CNTNAP3: variants seen among roughly 807,000 people sequenced by gnomAD.
The protein encoded by CNTNAP3 is contactin associated protein family member 3.
A neutral mutation model predicts 92.1 loss-of-function variants in CNTNAP3; 36 were observed. That is an observed-to-expected ratio of 0.39 (90% CI 0.30 to 0.52). The LOEUF is 0.52. Ranked by LOEUF, CNTNAP3 falls within the 20% of genes least tolerant of loss-of-function variation. The pLI is 0.76. For synonymous variants in CNTNAP3, 232 were observed against 422.3 expected, an observed-to-expected ratio of 0.55 and a Z score of 5.53; for missense variants, 534 against 1,069.6, an observed-to-expected ratio of 0.50 and a Z score of 6.98.
chr9:39,087,476 C>T (rs1387372049), intron 19 of CNTNAP3, among the ~76,000 whole-genome samples: 4 of 144,140 alleles, frequency 2.8e-5, no homozygotes, highest in Admixed American at 1.4e-4. Flanking sequence ...TCCTGTTAAT[C>T]GGAGATTTTT....
rs1041880914 is a variant in CNTNAP3 at position 39,066,394 on chromosome 9, G to A, written c.*7496C>T. Among the ~76,000 whole-genome samples, 68 of 152,058 alleles carry A rather than the reference G, an allele frequency of 4.5e-4. No individual in the cohort carries two copies. Among genetic ancestry groups the A allele is most frequent in the African/African-American group, 1.6e-3 (66 of 41,380 alleles). ...TTTAAAAGATATTTAAGTAATAAGG[G>A]CAGGTATTGTATATTTACTTATGGT... is the stretch of plus-strand genomic sequence containing the variant. On this transcript the variant is annotated 3_prime_UTR_variant, in exon 24 of 24. Coordinates refer to ENST00000297668, the MANE Select transcript of CNTNAP3 (RefSeq NM_033655.5).
intron 13 of CNTNAP3, 22 bp from the exon 14 acceptor site, chr9:39,118,281 C>T (rs10974153): frequency 6.8e-6 from 11 of 1,606,668 alleles, no homozygotes; most frequent in Non-Finnish European, 9.4e-6. Context: ...GTATAAGAAA[C>T]ATGACATCTA....
chr9:39,144,468 C>G, intron 10 of CNTNAP3, 122 bp from the exon 11 acceptor site: 2 of 1,420,156 alleles, frequency 1.4e-6, no homozygotes, highest in Non-Finnish European at 1.9e-6. Context: ...CAAGATAACC[C>G]CACATGACGT....
chr9:39,150,193 A>T (rs1381986464), intron 9 of CNTNAP3, among the ~76,000 whole-genome samples: 1 of 152,014 alleles, frequency 6.6e-6, no homozygotes, highest in African/African-American at 2.4e-5. Flanking sequence ...ATGGGGGAAA[A>T]TTCAGATCTA....
chr9:39,132,356 T>A (rs981538958), intron 13 of CNTNAP3, among the ~76,000 whole-genome samples: 1 of 152,090 alleles, frequency 6.6e-6, no homozygotes, highest in Non-Finnish European at 1.5e-5. Context: ...AAAACATTAC[T>A]TCCATATATG....
rs567819977 is a variant in CNTNAP3, at chr9:39,101,378, T to C, written c.2755+1119A>G. Reference sequence around the variant, plus strand: ...CAGTTTTAATTAGATTGCATCCTTATTCACTTTAAAACACTTAAGAAATGA... The same window carrying C: ...CAGTTTTAATTAGATTGCATCCTTACTCACTTTAAAACACTTAAGAAATGA... On this transcript the variant is annotated intron_variant, in intron 17 of 23. Transcript: ENST00000297668. Among the ~76,000 whole-genome samples, 9 of 152,140 alleles carry C rather than the reference T, an allele frequency of 5.9e-5. No individual in the cohort carries two copies. The South Asian group carries it at 1.9e-3, about 32-fold the overall frequency.
At chr9:39,110,276 G>C (rs1311101272) in intron 14 of CNTNAP3, among the ~76,000 whole-genome samples, 1 of 152,086 alleles carries the variant, frequency 6.6e-6, no homozygotes, top group Non-Finnish European at 1.5e-5. Context: ...CACACCTGTA[G>C]TCCCAGCTAC....
intron 14 of CNTNAP3, among the ~76,000 whole-genome samples, chr9:39,116,809 C>T (rs1445038379): frequency 6.6e-6 from 1 of 152,004 alleles, no homozygotes; most frequent in East Asian, 1.9e-4. Context: ...GTTTTCCCAA[C>T]TTCACAATAT....
At chr9:39,083,620 C>T (rs1221807234) in intron 21 of CNTNAP3, among the ~76,000 whole-genome samples, 17 of 152,154 alleles carry the variant, frequency 1.1e-4, no homozygotes, top group African/African-American at 3.6e-4. Flanking sequence ...GATTGCGCCA[C>T]TGCACTCCAG....
intron 12 of CNTNAP3, 32 bp downstream of exon 12, chr9:39,140,487 C>G: frequency 6.2e-7 from 1 of 1,611,030 alleles, no homozygotes; most frequent in African/African-American, 1.3e-5. Flanking sequence ...TTGGTCTATT[C>G]TGATATATGC....
chr9:39,085,890 G>A lies in CNTNAP3; in HGVS notation c.3355-67C>T, dbSNP rs535709976. On this transcript the variant is annotated intron_variant, in intron 20 of 23. Transcript: ENST00000297668. Reference sequence around the variant, plus strand: ...CAATTTTAATGATAAGGAAGCAAAGGAAGATGAGGAAAGGAAAGATGAAAA... The same window carrying A: ...CAATTTTAATGATAAGGAAGCAAAGAAAGATGAGGAAAGGAAAGATGAAAA... 5.7e-4 allele frequency: 771 copies of A among 1,344,048 alleles called. 6 individuals carry two copies. In the African/African-American group the frequency reaches 0.01, roughly 18 times the overall value. 83.3% of individuals were successfully genotyped at this position (1,344,048 alleles called of 1,614,324 possible). A position where few individuals can be genotyped will look rare whatever the true frequency, so the allele number is the denominator to read the frequency against.
chr9:39,108,279 C>A (rs184506771), intron 15 of CNTNAP3, among the ~76,000 whole-genome samples: 9 of 152,100 alleles, frequency 5.9e-5, no homozygotes, highest in Admixed American at 2.0e-4. Context: ...CGGTCCCCCC[C>A]CTCTCTGGGG....
intron 18 of CNTNAP3, among the ~76,000 whole-genome samples, chr9:39,090,378 T>C (rs1826165190): frequency 6.6e-6 from 1 of 152,222 alleles, no homozygotes; most frequent in African/African-American, 2.4e-5. Flanking sequence ...TAGTTTTAGT[T>C]CTTACATCGA....
At chr9:39,112,948 A>C (rs946873450) in intron 14 of CNTNAP3, among the ~76,000 whole-genome samples, 1 of 152,142 alleles carries the variant, frequency 6.6e-6, no homozygotes, top group Admixed American at 6.5e-5. Context: ...CACACAAGTA[A>C]AACCACTTGG....
intron 13 of CNTNAP3, among the ~76,000 whole-genome samples, chr9:39,119,239 T>G (rs143403568): frequency 6.6e-6 from 1 of 151,970 alleles, no homozygotes; most frequent in Non-Finnish European, 1.5e-5. Flanking sequence ...GAATATGAAT[T>G]GAGATCTGGA....
chr9:39,109,896 T>C (rs982589869), intron 14 of CNTNAP3, among the ~76,000 whole-genome samples: 2 of 152,204 alleles, frequency 1.3e-5, no homozygotes, highest in Non-Finnish European at 2.9e-5. Flanking sequence ...TAACACTGGA[T>C]TTAGATATTC....
intron 13 of CNTNAP3, among the ~76,000 whole-genome samples, chr9:39,129,963 T>A (rs1265352372): frequency 2.6e-5 from 4 of 152,218 alleles, no homozygotes; most frequent in African/African-American, 9.6e-5. Flanking sequence ...ACTACACAGT[T>A]ATCAGAATAG....
In CNTNAP3 at chr9:39,066,888, A is replaced by G. The variant is rs1160441374; in HGVS notation, c.*7002T>C. Among the ~76,000 whole-genome samples, 2 of 152,216 alleles carry G rather than the reference A, an allele frequency of 1.3e-5. No homozygotes were observed. Among genetic ancestry groups the G allele is most frequent in the East Asian group, 3.8e-4 (2 of 5,200 alleles). On this transcript the variant is annotated 3_prime_UTR_variant, in exon 24 of 24. Transcript: ENST00000297668. ...TGTTGAGCTGGGTCTGTGGGTTTAT[A>G]GTTTGCATCAAATGTGGAAAATGCT...
At position 39,231,933 on chromosome 9, in the gene CNTNAP3, C is replaced by T. The variant is rs1210599688; in HGVS notation, c.390+7060G>A. Among the ~76,000 whole-genome samples, 5 of 4,740 alleles carry T rather than the reference C, an allele frequency of 1.1e-3. 2 individuals carry two copies. Among genetic ancestry groups the T allele is most frequent in the African/African-American group, 1.1e-3 (5 of 4,426 alleles). 3.1% of individuals were successfully genotyped at this position (4,740 alleles called of 152,430 possible). ...CATATATTTTGCTTTGCAGGAGGAT[C>T]ATTTATGTGTGTGTATGTGTGTATA... is the stretch of plus-strand genomic sequence containing the variant. On this transcript the variant is annotated intron_variant, in intron 3 of 23. Coordinates refer to ENST00000297668, the MANE Select transcript of CNTNAP3 (RefSeq NM_033655.5).
Sources: gnomAD v4.1 joint callset for allele counts (sites outside exome capture counted in the v4.1 genomes callset) on GRCh38, gnomAD v4.1.1 for gene constraint, MANE v1.5 for transcripts, NCBI Gene and HGNC (gene_info 2026-07-23, HGNC 2026-07-21) for gene names.